Variants in ZP1 observed in about 807,000 individuals in gnomAD.
ZP1 encodes the protein zona pellucida sperm-binding protein 1.
ZP1 carries 58 observed loss-of-function variants against 67.4 expected under a neutral mutation model. That is an observed-to-expected ratio of 0.86 (90% CI 0.70 to 1.07). ZP1 has a LOEUF of 1.07. ZP1 is among the 50% of genes least tolerant of loss of function. The pLI, the probability that ZP1 is intolerant of heterozygous loss-of-function variation, is 0.00. For synonymous variants in ZP1, 333 were observed against 332.7 expected, an observed-to-expected ratio of 1.00 and a Z score of -0.01; for missense variants, 759 against 807.3, an observed-to-expected ratio of 0.94 and a Z score of 0.72.
In ZP1 at chr11:60,867,626, T is replaced by G. The variant is rs759025727; in HGVS notation, c.65T>G (p.Leu22Arg). 1 of 1,613,764 alleles carries G rather than the reference T, an allele frequency of 6.2e-7. No individual in the cohort carries two copies. The highest frequency in any genetic ancestry group is 1.1e-5 in the South Asian group (1 of 91,036). Residue 22 changes from leucine to arginine, a missense_variant, in exon 1 of 12, where the codon CTG (leucine) becomes CGG (arginine). By Grantham distance (102) the Leu-to-Arg change is moderately radical. Coordinates refer to ENST00000278853, the MANE Select transcript of ZP1 (RefSeq NM_207341.4). ...GCCCTGCTACTGCTGGTTGCCACCC[T>G]GGGGCTGGGTAGGTGGCTCCAGCCC... The part of the protein sequence containing the change: ...PVALLLLVAT[L>R]GLGRWLQPDP...
Position 60,875,507 on chromosome 11 carries a change from C to G in ZP1, c.1775-7C>G. On this transcript the variant is annotated splice_polypyrimidine_tract_variant and splice_region_variant and intron_variant, in intron 11 of 11. Coordinates refer to ENST00000278853, the MANE Select transcript of ZP1 (RefSeq NM_207341.4). ...ACCCAGCCCTGCCAATCCCGTCTCTCTGACAGACTCCAATGGGAACTCCAG... is the reference window on the plus strand; with the variant it reads ...ACCCAGCCCTGCCAATCCCGTCTCTGTGACAGACTCCAATGGGAACTCCAG... 6.2e-7 allele frequency: 1 copy of G among 1,613,770 alleles called. No homozygotes were observed. Among genetic ancestry groups the G allele is most frequent in the Non-Finnish European group, 8.5e-7 (1 of 1,179,832 alleles).
Position 60,873,566 on chromosome 11 carries a change from T to TGAGTGCCCC in ZP1, c.1430+3_1430+11dup. The TGAGTGCCCC allele has an allele frequency of 6.2e-7, 1 of 1,612,806 alleles. No homozygotes were observed. The highest frequency in any genetic ancestry group is 8.5e-7 in the Non-Finnish European group (1 of 1,179,114). ...CCAGTGGCCCATCCTGTCAGACGGG[T>TGAGTGCCCC]GAGTGCCCCCACACTCCCCCCACCT... On this transcript the variant is annotated splice_region_variant and intron_variant, in intron 8 of 11. Coordinates refer to ENST00000278853, the MANE Select transcript of ZP1 (RefSeq NM_207341.4).
rs747350383 is a variant in ZP1, at chr11:60,875,109, T to C, written c.1655-20T>C. On this transcript the variant is annotated intron_variant, in intron 10 of 11. Transcript: ENST00000278853. ...CAGGGGCAGGAGACCAGCCCAAGATTTCATTCTTCCCCTGGGCAGGACAGC... is the reference window on the plus strand; with the variant it reads ...CAGGGGCAGGAGACCAGCCCAAGATCTCATTCTTCCCCTGGGCAGGACAGC... The C allele has an allele frequency of 1.2e-6, 2 of 1,613,608 alleles. No homozygotes were observed. Among genetic ancestry groups the C allele is most frequent in the Non-Finnish European group, 8.5e-7 (1 of 1,179,732 alleles).
chr11:60,869,344 C>A, intron 2 of ZP1, 78 bp downstream of exon 2: 2 of 1,579,782 alleles, frequency 1.3e-6, no homozygotes, highest in Middle Eastern at 1.7e-4. Flanking sequence ...CCTCATGAAC[C>A]AGAAAGGAGC....
In ZP1 at chr11:60,873,391, G is replaced by A. The variant is rs138221670; in HGVS notation, c.1257G>A (p.Ser419=). 53 of 1,607,694 alleles carry A rather than the reference G, an allele frequency of 3.3e-5. No individual in the cohort carries two copies. Among genetic ancestry groups the A allele is most frequent in the African/African-American group, 4.0e-5 (3 of 74,908 alleles). ...TCCCTGCAGACGAGACCTTCAGCTC[G>A]TACTATGGGGAGGATGACTATCCCA... The part of the protein sequence containing the change: ...LRIAKDETFS[S]YYGEDDYPIV... Residue 419 remains serine (S), a synonymous_variant, in exon 8 of 12, where the codon TCG becomes TCA. Transcript: ENST00000278853.
intron 9 of ZP1, among the ~76,000 whole-genome samples, chr11:60,874,621 G>A (rs889305101): frequency 6.6e-6 from 1 of 152,254 alleles, no homozygotes; most frequent in African/African-American, 2.4e-5. Flanking sequence ...AGGCAGCATT[G>A]GTGAAGCAGG....
chr11:60,870,477 T>C lies in ZP1; in HGVS notation c.826+2T>C, dbSNP rs766684040. 3 of 1,601,882 alleles carry C rather than the reference T, an allele frequency of 1.9e-6. No homozygotes were observed. Among genetic ancestry groups the C allele is most frequent in the South Asian group, 1.1e-5 (1 of 89,108 alleles). On this transcript the variant is annotated splice_donor_variant, in intron 4 of 11. Coordinates refer to ENST00000278853, the MANE Select transcript of ZP1 (RefSeq NM_207341.4). LOFTEE classifies it high-confidence loss of function. ...TTCCCTGTTACTATGGCAACACAGG[T>C]ACAACCTCCCACCCCAGCAAGATCC...
At chr11:60,867,830 C>G (rs1035167408) in intron 1 of ZP1, 73 bp downstream of exon 1, 1 of 1,527,638 alleles carries the variant, frequency 6.5e-7, no homozygotes, top group Non-Finnish European at 8.8e-7. Context: ...TGGGACCCTT[C>G]CCCTGAAGGA....
chr11:60,868,078 A>G (rs989664606), intron 1 of ZP1, among the ~76,000 whole-genome samples: 7 of 143,198 alleles, frequency 4.9e-5, no homozygotes, highest in African/African-American at 1.8e-4. Flanking sequence ...CACTTCTTTC[A>G]ATCTGTTCTC....
At chr11:60,874,654 C>A (rs1373782553) in intron 9 of ZP1, among the ~76,000 whole-genome samples, 4 of 152,218 alleles carry the variant, frequency 2.6e-5, no homozygotes, top group African/African-American at 7.2e-5. Context: ...TGGGGCATTA[C>A]GAAGTGCGGT....
In ZP1 at chr11:60,875,557, C is replaced by G. The variant is rs948800932; in HGVS notation, c.1818C>G (p.Val606=). 6.2e-7 allele frequency: 1 copy of G among 1,614,124 alleles called. No individual in the cohort carries two copies. Residue 606 remains valine, a synonymous_variant, in exon 12 of 12, where the codon GTC becomes GTG. Transcript: ENST00000278853. Reference sequence around the variant, plus strand: ...GCCTGAGACCTCTCCTTTGGGCGGTCCTTTTGCTGCCAGCTGTTGCCCTGG... The same window carrying G: ...GCCTGAGACCTCTCCTTTGGGCGGTGCTTTTGCTGCCAGCTGTTGCCCTGG... ...NSSLRPLLWA[V]LLLPAVALVL...
Position 60,869,209 on chromosome 11 carries a change from G to A in ZP1, c.261G>A (p.Arg87=). ...CSICYHWVTS[R]PQEPAVFSAD... is the part of the protein sequence containing the mutation. ...TCTGCTACCACTGGGTCACCTCCAGGCCGCAGGAGCCTGCAGTCTTCTCGG... is the reference window on the plus strand; with the variant it reads ...TCTGCTACCACTGGGTCACCTCCAGACCGCAGGAGCCTGCAGTCTTCTCGG... The change falls in exon 2 of 12, where the codon AGG becomes AGA. Residue 87 remains arginine, a synonymous_variant. Transcript: ENST00000278853. 1.2e-6 allele frequency: 2 copies of A among 1,614,190 alleles called. No individual in the cohort carries two copies. Among genetic ancestry groups the A allele is most frequent in the Non-Finnish European group, 1.7e-6 (2 of 1,180,034 alleles).
intron 1 of ZP1, 85 bp from the exon 2 acceptor site, chr11:60,869,060 G>A: frequency 6.5e-7 from 1 of 1,545,952 alleles, no homozygotes; most frequent in South Asian, 1.2e-5. Context: ...TCTCCTGGCT[G>A]CTGAGTGGGA....
intron 9 of ZP1, among the ~76,000 whole-genome samples, chr11:60,874,595 G>A (rs1029637424): frequency 1.3e-5 from 2 of 152,242 alleles, no homozygotes; most frequent in Non-Finnish European, 2.9e-5. Flanking sequence ...AGCCCTCCCA[G>A]GGGCTGTGCA....
At chr11:60,867,854 C>A (rs1009308616) in intron 1 of ZP1, 97 bp downstream of exon 1, 8 of 1,392,880 alleles carry the variant, frequency 5.7e-6, no homozygotes, top group Admixed American at 4.8e-5. Flanking sequence ...AGAACAGAGG[C>A]CTCCCTCCAG....
intron 9 of ZP1, among the ~76,000 whole-genome samples, chr11:60,874,380 C>G (rs1855656322): frequency 6.6e-6 from 1 of 152,220 alleles, no homozygotes; most frequent in African/African-American, 2.4e-5. Context: ...TGGGTCAGCT[C>G]CTCCTGCTTC....
chr11:60,867,871 G>T, intron 1 of ZP1, 114 bp downstream of exon 1: 2 of 1,224,214 alleles, frequency 1.6e-6, no homozygotes, highest in Non-Finnish European at 2.3e-6. Context: ...CCAGCCTGGG[G>T]GTGTCCAGCC....
chr11:60,870,010 C>CT (rs1565102765), intron 3 of ZP1, 110 bp downstream of exon 3: 1 of 1,320,840 alleles, frequency 7.6e-7, no homozygotes, highest in African/African-American at 1.5e-5. Context: ...TTGTTTTTTT[C>CT]TTTTTTTAGA....
In ZP1 at chr11:60,875,430, T is replaced by G. The variant is rs528624883; in HGVS notation, c.1775-84T>G. On this transcript the variant is annotated intron_variant, in intron 11 of 11. Transcript: ENST00000278853. ...ATCTGCAGAAAGGCAGCTTCAGCTC[T>G]GCCCAGTGTGATACAAAGTTCTGGG... The G allele has an allele frequency of 5.8e-6, 9 of 1,564,984 alleles. No homozygotes were observed. In the Admixed American group the frequency reaches 1.7e-4, roughly 29 times the overall value.
Sources: allele counts gnomAD v4.1 joint callset (sites outside exome capture counted in the v4.1 genomes callset), GRCh38; gene constraint gnomAD v4.1.1; transcripts MANE v1.5; gene names NCBI Gene and HGNC (gene_info 2026-07-23, HGNC 2026-07-21).